MCCC2: variants seen among roughly 807,000 people sequenced by gnomAD.
The protein encoded by MCCC2 is methylcrotonoyl-CoA carboxylase beta chain, mitochondrial.
Under a neutral mutation model 77.2 loss-of-function variants are expected in MCCC2, and 52 were observed. That is an observed-to-expected ratio of 0.67 (90% CI 0.54 to 0.85). The LOEUF (loss-of-function observed/expected upper bound fraction) is 0.85, where lower values mean the gene tolerates loss of function less well. Among genes scored for constraint, MCCC2 ranks in the 40% least tolerant of loss-of-function variants. MCCC2 has a pLI of 0.00. For missense variants in MCCC2, 682 were observed against 703.2 expected, an observed-to-expected ratio of 0.97 and a Z score of 0.34; for synonymous variants, 253 against 248.4, an observed-to-expected ratio of 1.02 and a Z score of -0.18.
chr5:71,597,730 T>C (rs1378945652), intron 3 of MCCC2, among the ~76,000 whole-genome samples: 2 of 152,196 alleles, frequency 1.3e-5, no homozygotes, highest in Non-Finnish European at 2.9e-5. Context: ...CCTAGTATAT[T>C]ATCCTTCTAG....
intron 16 of MCCC2, among the ~76,000 whole-genome samples, chr5:71,655,520 G>C (rs907041201): frequency 3.9e-5 from 6 of 152,282 alleles, no homozygotes; most frequent in African/African-American, 1.4e-4. Flanking sequence ...CATGCTTGCT[G>C]TGCTGCAGGC....
chr5:71,657,054 G>A lies in MCCC2; in HGVS notation c.*194G>A. Reference sequence around the variant, plus strand: ...TCAATTCCTTTTAAATTTTCTTAGAGAAATTTCTCTGTGGCTCAGTTTTAC... The same window carrying A: ...TCAATTCCTTTTAAATTTTCTTAGAAAAATTTCTCTGTGGCTCAGTTTTAC... On this transcript the variant is annotated 3_prime_UTR_variant, in exon 17 of 17. Coordinates refer to ENST00000340941, the MANE Select transcript of MCCC2 (RefSeq NM_022132.5). 1 of 526,824 alleles carries A rather than the reference G, an allele frequency of 1.9e-6. No individual in the cohort carries two copies. The allele number at this position is 526,824 out of a possible 1,614,324, so 32.6% of individuals were successfully genotyped here.
Position 71,599,730 on chromosome 5 carries a change from G to A in MCCC2, c.353G>A (p.Gly118Asp). ...LYDNEEVPGG[G>D]IITGIGRVSG... Reference sequence around the variant, plus strand: ...GACAATGAGGAGGTGCCAGGAGGTGGCATTATTACAGGCATTGGAAGAGTA... The same window carrying A: ...GACAATGAGGAGGTGCCAGGAGGTGACATTATTACAGGCATTGGAAGAGTA... The change falls in exon 4 of 17, where the codon GGC (glycine) becomes GAC (aspartate). Residue 118 changes from glycine (G) to aspartate (D), a missense_variant. Gly to Asp is a moderately conservative substitution (Grantham distance 94, BLOSUM62 -1). Transcript: ENST00000340941. 1.9e-6 allele frequency: 3 copies of A among 1,614,088 alleles called. No individual in the cohort carries two copies. Among genetic ancestry groups the A allele is most frequent in the Non-Finnish European group, 2.5e-6 (3 of 1,179,932 alleles).
chr5:71,649,218 A>T lies in MCCC2; in HGVS notation c.1338A>T (p.Gly446=). ...CCCTCATCATTGGGGGCTCCTATGG[A>T]GCCGGAAACTATGGGATGTGTGGCA... is the stretch of plus-strand genomic sequence containing the variant. ...KITLIIGGSY[G]AGNYGMCGRA... is the part of the protein sequence containing the mutation. Residue 446 remains glycine, a synonymous_variant, in exon 14 of 17, where the codon GGA becomes GGT. Coordinates refer to ENST00000340941, the MANE Select transcript of MCCC2 (RefSeq NM_022132.5). 1.2e-6 allele frequency: 2 copies of T among 1,614,180 alleles called. No individual in the cohort carries two copies. The highest frequency in any genetic ancestry group is 1.7e-6 in the Non-Finnish European group (2 of 1,180,020).
chr5:71,615,953 T>C (rs1311597916), intron 6 of MCCC2, among the ~76,000 whole-genome samples: 2 of 152,180 alleles, frequency 1.3e-5, no homozygotes, highest in Non-Finnish European at 2.9e-5. Context: ...CTTGGAGCTT[T>C]CAGTCCCAGC....
intron 6 of MCCC2, among the ~76,000 whole-genome samples, chr5:71,611,041 C>T (rs1167271992): frequency 1.3e-5 from 2 of 151,918 alleles, no homozygotes; most frequent in Admixed American, 1.3e-4. Context: ...GAAAGGGCTC[C>T]AGTAATTCCT....
chr5:71,610,443 A>G (rs1745888958), intron 6 of MCCC2, among the ~76,000 whole-genome samples: 1 of 152,110 alleles, frequency 6.6e-6, no homozygotes, highest in African/African-American at 2.4e-5. Context: ...CGGTGCGCGC[A>G]CCCACTGACC....
chr5:71,590,860 A>T (rs2112267886), intron 1 of MCCC2, among the ~76,000 whole-genome samples: 1 of 152,258 alleles, frequency 6.6e-6, no homozygotes, highest in Middle Eastern at 3.4e-3. Context: ...AGTCTTTTAA[A>T]ATTTATTAAG....
chr5:71,642,981 C>T (rs114084210), intron 11 of MCCC2, among the ~76,000 whole-genome samples: 8,564 of 146,658 alleles, frequency 0.058, 289 homozygotes, highest in South Asian at 0.1. Context: ...CCAGCCTGGG[C>T]GACAGAAAAA....
chr5:71,617,968 C>A (rs1053670563), intron 6 of MCCC2, among the ~76,000 whole-genome samples: 4 of 152,048 alleles, frequency 2.6e-5, no homozygotes, highest in African/African-American at 9.7e-5. Flanking sequence ...TTTATGTTCT[C>A]TTCTGTTTCA....
chr5:71,640,218 C>A (rs1463427452), intron 10 of MCCC2, among the ~76,000 whole-genome samples: 1 of 152,138 alleles, frequency 6.6e-6, no homozygotes, highest in Admixed American at 6.5e-5. Flanking sequence ...GATAGCTACA[C>A]TTTAATGAGA....
chr5:71,652,985 AT>A (rs1747481414), intron 16 of MCCC2, among the ~76,000 whole-genome samples: 1 of 152,166 alleles, frequency 6.6e-6, no homozygotes, highest in African/African-American at 2.4e-5. Flanking sequence ...CAGTGGTCTG[AT>A]TCTCGCTTCC....
chr5:71,599,694 A>G lies in MCCC2; in HGVS notation c.317A>G (p.Tyr106Cys). ...CTGGAATTATCCCAGTTTGCAGGTT[A>G]CCAGTTATATGACAATGAGGAGGTG... ...PFLELSQFAG[Y>C]QLYDNEEVPG... The change falls in exon 4 of 17, where the codon TAC (tyrosine) becomes TGC (cysteine). Residue 106 changes from tyrosine (Y) to cysteine (C), a missense_variant. Coordinates refer to ENST00000340941, the MANE Select transcript of MCCC2 (RefSeq NM_022132.5). The G allele has an allele frequency of 6.2e-7, 1 of 1,614,100 alleles. No homozygotes were observed. Among genetic ancestry groups the G allele is most frequent in the Non-Finnish European group, 8.5e-7 (1 of 1,179,988 alleles).
At chr5:71,631,891 T>C (rs1308321840) in intron 7 of MCCC2, among the ~76,000 whole-genome samples, 2 of 152,132 alleles carry the variant, frequency 1.3e-5, no homozygotes, top group Admixed American at 1.3e-4. Context: ...CATTGCTTGC[T>C]ATGGACTGTA....
chr5:71,631,836 G>A (rs931412508), intron 7 of MCCC2, among the ~76,000 whole-genome samples: 3 of 152,106 alleles, frequency 2.0e-5, no homozygotes, highest in African/African-American at 7.2e-5. Flanking sequence ...CACCGCGCCC[G>A]GCCAGGTCTT....
chr5:71,617,096 T>G (rs899456289), intron 6 of MCCC2, among the ~76,000 whole-genome samples: 1 of 152,210 alleles, frequency 6.6e-6, no homozygotes, highest in African/African-American at 2.4e-5. Flanking sequence ...GTGATCGGAT[T>G]TCAACCTAAC....
At chr5:71,646,080 A>G (rs1747265735) in intron 12 of MCCC2, 131 bp from the exon 13 acceptor site, 2 of 707,058 alleles carry the variant, frequency 2.8e-6, no homozygotes, top group Non-Finnish European at 4.6e-6. Context: ...AAAAAAATTA[A>G]TAAGAAGAGA....
At chr5:71,617,062 T>G (rs1746178113) in intron 6 of MCCC2, among the ~76,000 whole-genome samples, 1 of 152,242 alleles carries the variant, frequency 6.6e-6, no homozygotes, top group Non-Finnish European at 1.5e-5. Flanking sequence ...CTCATACTTC[T>G]TAGCCCGATA....
chr5:71,626,969 T>C (rs1294489931), intron 7 of MCCC2, among the ~76,000 whole-genome samples: 1 of 152,130 alleles, frequency 6.6e-6, no homozygotes, highest in Non-Finnish European at 1.5e-5. Flanking sequence ...AACATTTTCA[T>C]CCTCCCCAAC....
Sources: allele counts gnomAD v4.1 joint callset (sites outside exome capture counted in the v4.1 genomes callset), GRCh38; gene constraint gnomAD v4.1.1; transcripts MANE v1.5; gene names NCBI Gene and HGNC (gene_info 2026-07-23, HGNC 2026-07-21).